Variants in NKAIN2 observed in about 807,000 individuals in gnomAD.
The protein encoded by NKAIN2 is sodium/potassium-transporting ATPase subunit beta-1-interacting protein 2.
Under a neutral mutation model 32.6 loss-of-function variants are expected in NKAIN2, and 14 were observed. The observed-to-expected ratio is 0.43, with a 90% CI of 0.28 to 0.67. The LOEUF is 0.67. Ranked by LOEUF, NKAIN2 falls within the 30% of genes least tolerant of loss-of-function variation. The pLI is 0.17. For synonymous variants in NKAIN2, 80 were observed against 87.2 expected (o/e 0.92, Z 0.46); for missense variants, 198 against 258.3 (o/e 0.77, Z 1.60).
intron 3 of NKAIN2, among the ~76,000 whole-genome samples, chr6:124,619,194 T>C (rs543690571): frequency 1.6e-4 from 24 of 152,292 alleles, no homozygotes; most frequent in Non-Finnish European, 1.5e-4. Context: ...AGGTATGTGA[T>C]TTCAGGGGGA....
chr6:123,891,354 A>G lies in NKAIN2; in HGVS notation c.54+87100A>G, dbSNP rs185928571. Reference sequence around the variant, plus strand: ...TGGTATATCTTACGTCTATTTTACCACACACAAAAAGCAATGTAGAGCCAA... The same window carrying G: ...TGGTATATCTTACGTCTATTTTACCGCACACAAAAAGCAATGTAGAGCCAA... On this transcript the variant is annotated intron_variant, in intron 1 of 6. Transcript: ENST00000368417. Among the ~76,000 whole-genome samples the G allele has an allele frequency of 2.8e-3, 433 of 152,312 alleles. 4 individuals are homozygous for G. Among genetic ancestry groups the G allele is most frequent in the Middle Eastern group, 0.02 (6 of 294 alleles).
chr6:123,898,203 A>G (rs887518429), intron 1 of NKAIN2, among the ~76,000 whole-genome samples: 2 of 152,192 alleles, frequency 1.3e-5, no homozygotes, highest in South Asian at 2.1e-4. Flanking sequence ...CTTCACAGCC[A>G]TATCATCTTG....
At chr6:124,524,259 A>G (rs1441976473) in intron 3 of NKAIN2, among the ~76,000 whole-genome samples, 1 of 152,210 alleles carries the variant, frequency 6.6e-6, no homozygotes, top group Non-Finnish European at 1.5e-5. Flanking sequence ...TATATGTTAT[A>G]GTATGTTTAT....
intron 1 of NKAIN2, among the ~76,000 whole-genome samples, chr6:124,231,782 T>G (rs1002832999): frequency 6.6e-6 from 1 of 152,110 alleles, no homozygotes; most frequent in African/African-American, 2.4e-5. Flanking sequence ...CAGTCTCATG[T>G]ATGTCTTTTT....
Position 123,817,528 on chromosome 6 carries a change from G to T in NKAIN2, c.54+13274G>T, listed in dbSNP as rs540807598. Among the ~76,000 whole-genome samples the T allele has an allele frequency of 7.9e-5, 12 of 152,202 alleles. No homozygotes were observed. The South Asian group carries it at 2.3e-3, about 29-fold the overall frequency. The stretch of plus-strand genomic sequence containing the variant: ...GATTGTGAAGGGAAAGACCAGACTG[G>T]AGCCTGACGGTTGCAGACCTGTGAG... On this transcript the variant is annotated intron_variant, in intron 1 of 6. Coordinates refer to ENST00000368417, the MANE Select transcript of NKAIN2 (RefSeq NM_001040214.3).
intron 4 of NKAIN2, among the ~76,000 whole-genome samples, chr6:124,673,378 A>C (rs1226267519): frequency 1.3e-5 from 2 of 152,122 alleles, no homozygotes; most frequent in East Asian, 3.9e-4. Context: ...TTCAAGATTC[A>C]ATTTTCAGTC....
intron 3 of NKAIN2, among the ~76,000 whole-genome samples, chr6:124,541,388 A>G (rs745835236): frequency 6.6e-6 from 1 of 152,180 alleles, no homozygotes. Flanking sequence ...CAAAAAGGAT[A>G]ATAGCACTAT....
At chr6:123,856,719 C>T (rs532138743) in intron 1 of NKAIN2, among the ~76,000 whole-genome samples, 45 of 152,266 alleles carry the variant, frequency 3.0e-4, no homozygotes, top group African/African-American at 1.1e-3. Context: ...GTTAAACATT[C>T]AGATTTGGGG....
chr6:124,732,154 C>T (rs188417772), intron 4 of NKAIN2, among the ~76,000 whole-genome samples: 217 of 152,084 alleles, frequency 1.4e-3, no homozygotes, highest in African/African-American at 5.2e-3. Context: ...TCATCTTTGC[C>T]TGCTAGGACT....
At chr6:124,711,940 C>G (rs373461949) in intron 4 of NKAIN2, among the ~76,000 whole-genome samples, 2 of 152,088 alleles carry the variant, frequency 1.3e-5, no homozygotes, top group Non-Finnish European at 2.9e-5. Flanking sequence ...TTTTCCCCAT[C>G]TTTGTGGTTT....
At chr6:124,136,973 G>T (rs1341520564) in intron 1 of NKAIN2, among the ~76,000 whole-genome samples, 1 of 151,992 alleles carries the variant, frequency 6.6e-6, no homozygotes, top group Non-Finnish European at 1.5e-5. Context: ...GCCACTTTCA[G>T]CACTTCTATT....
rs1782276255 is a variant in NKAIN2, at chr6:124,600,808, G to C, written c.274-57378G>C. Among the ~76,000 whole-genome samples the C allele has an allele frequency of 4.0e-5, 6 of 151,850 alleles. 1 individual carries two copies. In the South Asian group the frequency reaches 1.2e-3, roughly 31 times the overall value. ...ATTGCCTTAGGGTAGAAGAGTAAAA[G>C]GTATTCTCTCAGTTTTGACCAGAAA... On this transcript the variant is annotated intron_variant, in intron 3 of 6. Coordinates refer to ENST00000368417, the MANE Select transcript of NKAIN2 (RefSeq NM_001040214.3).
At chr6:124,508,887 T>G (rs1050069817) in intron 3 of NKAIN2, among the ~76,000 whole-genome samples, 3 of 152,300 alleles carry the variant, frequency 2.0e-5, no homozygotes, top group East Asian at 1.9e-4. Flanking sequence ...CATATAGCAT[T>G]CTTCTCTCTG....
At chr6:124,375,496 AT>A (rs1799954021) in intron 3 of NKAIN2, among the ~76,000 whole-genome samples, 2 of 150,304 alleles carry the variant, frequency 1.3e-5, no homozygotes, top group Non-Finnish European at 3.0e-5. Flanking sequence ...AAGGAATAGC[AT>A]TTTAATATAT....
chr6:123,850,305 T>A (rs924394302), intron 1 of NKAIN2, among the ~76,000 whole-genome samples: 37 of 146,842 alleles, frequency 2.5e-4, no homozygotes, highest in Non-Finnish European at 5.2e-4. Context: ...GGATCACATT[T>A]CCCCGCCTAA....
chr6:124,270,606 G>A (rs148358995), intron 1 of NKAIN2, among the ~76,000 whole-genome samples: 43 of 152,152 alleles, frequency 2.8e-4, no homozygotes, highest in African/African-American at 9.4e-4. Flanking sequence ...ATTTTTATTT[G>A]GCTTTTACTG....
At chr6:124,674,799 A>G (rs1773275725) in intron 4 of NKAIN2, among the ~76,000 whole-genome samples, 2 of 152,002 alleles carry the variant, frequency 1.3e-5, no homozygotes, top group Admixed American at 1.3e-4. Context: ...TCATCTGAGA[A>G]CAGAAATATT....
At chr6:123,961,460 C>T (rs1040187324) in intron 1 of NKAIN2, among the ~76,000 whole-genome samples, 7 of 152,154 alleles carry the variant, frequency 4.6e-5, no homozygotes, top group South Asian at 2.1e-4. Context: ...ATGCAGTTTC[C>T]GTTCTAGTCC....
intron 1 of NKAIN2, among the ~76,000 whole-genome samples, chr6:124,151,248 C>G (rs1582744928): frequency 6.6e-6 from 1 of 151,830 alleles, no homozygotes; most frequent in African/African-American, 2.4e-5. Context: ...GAATTTAATT[C>G]ATTTTACATG....
Sources: allele counts gnomAD v4.1 joint callset (sites outside exome capture counted in the v4.1 genomes callset), GRCh38; gene constraint gnomAD v4.1.1; transcripts MANE v1.5; gene names NCBI Gene and HGNC (gene_info 2026-07-23, HGNC 2026-07-21).